Variants in RNF150 observed in about 807,000 individuals in gnomAD.
RNF150 encodes the protein ring finger protein 150.
A neutral mutation model predicts 39.3 loss-of-function variants in RNF150; 24 were observed. The observed-to-expected ratio is 0.61, with a 90% CI of 0.44 to 0.86. The LOEUF is 0.86. Ranked by LOEUF, RNF150 falls within the 40% of genes least tolerant of loss-of-function variation. RNF150 has a pLI of 0.00. For synonymous variants in RNF150, 255 were observed against 227.3 expected (o/e 1.12, Z -1.10); for missense variants, 502 against 587.8 (o/e 0.85, Z 1.51).
At chr4:141,012,493 C>G (rs1364386480) in intron 1 of RNF150, among the ~76,000 whole-genome samples, 3 of 152,136 alleles carry the variant, frequency 2.0e-5, no homozygotes, top group Non-Finnish European at 4.4e-5. Flanking sequence ...TAAACACATA[C>G]ATATATATTA....
In RNF150 at chr4:141,185,012, A is replaced by ATTT. The variant is rs33941568; in HGVS notation, c.-6+27779_-6+27781dup. Among the ~76,000 whole-genome samples the ATTT allele has an allele frequency of 3.9e-3, 592 of 151,050 alleles. 2 individuals carry two copies. Among genetic ancestry groups the ATTT allele is most frequent in the African/African-American group, 7.4e-3 (303 of 41,134 alleles). On this transcript the variant is annotated intron_variant, in intron 1 of 7. Transcript: ENST00000420921. Reference sequence around the variant, plus strand: ...CAGATTGTCTTGGCTATACAGGCTCATTTTTTTTTGTTTCCATATGTAATT... The same window carrying ATTT: ...CAGATTGTCTTGGCTATACAGGCTCATTTTTTTTTTTTGTTTCCATATGTAATT...
At chr4:141,123,221 T>A (rs1328725283) in intron 1 of RNF150, among the ~76,000 whole-genome samples, 2 of 152,246 alleles carry the variant, frequency 1.3e-5, no homozygotes, top group East Asian at 3.8e-4. Context: ...CTGAGCACTT[T>A]CTGCGTGCCA....
At chr4:141,144,128 AAC>A (rs1428128570) in intron 1 of RNF150, among the ~76,000 whole-genome samples, 1 of 134,530 alleles carries the variant, frequency 7.4e-6, no homozygotes, top group Non-Finnish European at 1.6e-5. Context: ...GGGGAAAAAA[AAC>A]CCACAAAACT....
chr4:141,067,464 G>A (rs1211967778), intron 1 of RNF150, among the ~76,000 whole-genome samples: 1 of 152,148 alleles, frequency 6.6e-6, no homozygotes, highest in Non-Finnish European at 1.5e-5. Context: ...GAAAGTCTGT[G>A]GCTGGATATG....
At chr4:140,946,278 C>T (rs529684662) in intron 4 of RNF150, among the ~76,000 whole-genome samples, 20 of 152,258 alleles carry the variant, frequency 1.3e-4, no homozygotes, top group African/African-American at 4.8e-4. Flanking sequence ...GTTTATGCAT[C>T]AATTTTAGTA....
In RNF150 at chr4:140,903,058, T is replaced by A. The variant is rs138135715; in HGVS notation, c.1198+8086A>T. 1.9e-3 allele frequency among the ~76,000 whole-genome samples: 286 copies of A among 152,304 alleles called. 1 individual carries two copies. The highest frequency in any genetic ancestry group is 6.7e-3 in the African/African-American group (279 of 41,566). On this transcript the variant is annotated intron_variant, in intron 6 of 6. Coordinates refer to ENST00000515673, the MANE Select transcript of RNF150 (RefSeq NM_020724.2). ...TTTCTAGTGAGACTTGGAAAGGTGC[T>A]AAGACAGGGGCTCTAACTTTAATCA...
At chr4:141,049,070 G>A (rs143662181) in intron 1 of RNF150, among the ~76,000 whole-genome samples, 205 of 152,234 alleles carry the variant, frequency 1.3e-3, no homozygotes, top group African/African-American at 4.7e-3. Flanking sequence ...GTTAATATCA[G>A]GTGTGCCTCA....
At chr4:141,033,217 T>A (rs1424670841) in intron 1 of RNF150, among the ~76,000 whole-genome samples, 2 of 152,224 alleles carry the variant, frequency 1.3e-5, no homozygotes, top group Non-Finnish European at 2.9e-5. Flanking sequence ...AAATCCTTTG[T>A]TGTCATTTCA....
chr4:141,041,341 G>C (rs540018592), intron 1 of RNF150, among the ~76,000 whole-genome samples: 28 of 152,228 alleles, frequency 1.8e-4, no homozygotes, highest in African/African-American at 4.1e-4. Context: ...AGGTCATAAA[G>C]GGTAGAATGA....
chr4:140,971,269 G>A (rs933838155), intron 1 of RNF150, among the ~76,000 whole-genome samples: 15 of 151,850 alleles, frequency 9.9e-5, no homozygotes, highest in Non-Finnish European at 1.5e-4. Flanking sequence ...AGGCAGGGAA[G>A]GAGAAAAAGG....
At chr4:141,013,006 T>C (rs948765656) in intron 1 of RNF150, among the ~76,000 whole-genome samples, 9 of 152,118 alleles carry the variant, frequency 5.9e-5, no homozygotes, top group African/African-American at 9.7e-5. Flanking sequence ...TGAATCTTGA[T>C]TGAAAACAAA....
chr4:140,870,280 G>A (rs117401740), intron 6 of RNF150, among the ~76,000 whole-genome samples: 1 of 152,254 alleles, frequency 6.6e-6, no homozygotes, highest in East Asian at 1.9e-4. Context: ...TGAAAACCCT[G>A]GAAGCAGCTC....
At chr4:141,100,949 C>T (rs149804233) in intron 1 of RNF150, among the ~76,000 whole-genome samples, 41 of 152,212 alleles carry the variant, frequency 2.7e-4, no homozygotes, top group African/African-American at 4.3e-4. Flanking sequence ...AAATGGTACA[C>T]CCGTTTAGGG....
chr4:141,089,410 T>G (rs1482824523), intron 1 of RNF150, among the ~76,000 whole-genome samples: 1 of 151,958 alleles, frequency 6.6e-6, no homozygotes, highest in Non-Finnish European at 1.5e-5. Flanking sequence ...CCCAGCCAAC[T>G]GGGGGGAGGG....
At chr4:140,911,504 GT>G in intron 5 of RNF150, 150 bp from the exon 6 acceptor site, 1 of 568,820 alleles carries the variant, frequency 1.8e-6, no homozygotes, top group East Asian at 3.0e-5. Context: ...TCTATATATA[GT>G]TTCTATAAGA....
intron 1 of RNF150, among the ~76,000 whole-genome samples, chr4:140,987,804 T>C (rs1195518054): frequency 1.3e-5 from 2 of 152,184 alleles, no homozygotes; most frequent in African/African-American, 4.8e-5. Flanking sequence ...AAAGAAATTG[T>C]CAACAGAGTA....
chr4:141,158,425 C>T (rs1226464818), intron 1 of RNF150, among the ~76,000 whole-genome samples: 1 of 149,962 alleles, frequency 6.7e-6, no homozygotes, highest in Non-Finnish European at 1.5e-5. Flanking sequence ...CACTGGAGGT[C>T]ACTATTATTT....
intron 1 of RNF150, among the ~76,000 whole-genome samples, chr4:141,066,625 G>A (rs965896515): frequency 6.6e-6 from 1 of 152,090 alleles, no homozygotes; most frequent in African/African-American, 2.4e-5. Context: ...ATAAGCTGAC[G>A]ATATTTCTAC....
intron 1 of RNF150, among the ~76,000 whole-genome samples, chr4:140,968,949 C>G (rs1032097862): frequency 6.6e-6 from 1 of 151,916 alleles, no homozygotes; most frequent in Non-Finnish European, 1.5e-5. Flanking sequence ...GGCACAGAGG[C>G]CTCGCATCCA....
Sources: gnomAD v4.1 joint callset for allele counts (sites outside exome capture counted in the v4.1 genomes callset) on GRCh38, gnomAD v4.1.1 for gene constraint, MANE v1.5 for transcripts, NCBI Gene and HGNC (gene_info 2026-07-23, HGNC 2026-07-21) for gene names.